Variants in UGT2A3 observed in about 807,000 individuals in gnomAD.
UGT2A3 encodes UDP-glucuronosyltransferase 2A3.
A neutral mutation model predicts 44.1 loss-of-function variants in UGT2A3; 55 were observed. The observed-to-expected ratio is 1.25, with a 90% CI of 1.00 to 1.56. The LOEUF (loss-of-function observed/expected upper bound fraction) is 1.56. UGT2A3 is among the 40% of genes most tolerant of loss of function. The pLI is 0.00. For synonymous variants in UGT2A3, 243 were observed against 215.1 expected (o/e 1.13, Z -1.13); for missense variants, 733 against 621.6 (o/e 1.18, Z -1.91).
At position 68,929,735 on chromosome 4, in the gene UGT2A3, A is replaced by C; in HGVS notation, c.*78T>G. The C allele has an allele frequency of 1.6e-6, 2 of 1,280,410 alleles. No homozygotes were observed. Among genetic ancestry groups the C allele is most frequent in the African/African-American group, 1.5e-5 (1 of 67,322 alleles). The allele number at this position is 1,280,410 out of a possible 1,614,324, so 79.3% of individuals were successfully genotyped here. On this transcript the variant is annotated 3_prime_UTR_variant, in exon 6 of 6. Coordinates refer to ENST00000251566, the MANE Select transcript of UGT2A3 (RefSeq NM_024743.4). ...ATAACAGAATAGATAATATGAAAAT[A>C]GCAAGGTTTTCACCAAATTCTATGT...
chr4:68,940,672 G>T (rs1052509724), intron 2 of UGT2A3, among the ~76,000 whole-genome samples: 1 of 150,080 alleles, frequency 6.7e-6, no homozygotes, highest in Admixed American at 6.7e-5. Context: ...TCCTGCACAT[G>T]TACCCTTGAA....
chr4:68,930,663 T>C lies in UGT2A3; in HGVS notation c.1187A>G (p.Asp396Gly), dbSNP rs1452265868. ...VPMVGVPIFG[D>G]QLDNIAHMKA... The stretch of plus-strand genomic sequence containing the variant: ...CATGTGAGCTATGTTATCAAGCTGA[T>C]CACCAAATATGGGAACTCCCACCAT... The change falls in exon 5 of 6, where the codon GAT (aspartate) becomes GGT (glycine). Residue 396 changes from aspartate to glycine, a missense_variant. By Grantham distance (94) the Asp-to-Gly change is moderately conservative. Transcript: ENST00000251566. The C allele has an allele frequency of 7.4e-6, 12 of 1,613,624 alleles. No homozygotes were observed. Among genetic ancestry groups the C allele is most frequent in the Admixed American group, 1.7e-5 (1 of 59,980 alleles).
At chr4:68,938,128 CA>C (rs1020413032) in intron 2 of UGT2A3, among the ~76,000 whole-genome samples, 2 of 151,982 alleles carry the variant, frequency 1.3e-5, no homozygotes, top group Non-Finnish European at 2.9e-5. Flanking sequence ...ATCAGAGGTA[CA>C]AATAGGAGCT....
At chr4:68,931,423 A>G (rs1036909156) in intron 3 of UGT2A3, among the ~76,000 whole-genome samples, 181 bp from the exon 4 acceptor site, 1 of 152,070 alleles carries the variant, frequency 6.6e-6, no homozygotes, top group Admixed American at 6.6e-5. Flanking sequence ...GATCTTTTAA[A>G]ATAATGTGTA....
Position 68,936,120 on chromosome 4 carries a change from C to A in UGT2A3, c.865-3361G>T, listed in dbSNP as rs181471572. Reference sequence around the variant, plus strand: ...CCTGAATGTGATGGAGAGAATGGAACCAAGTTAGAAAACACTCTTCAGTAT... The same window carrying A: ...CCTGAATGTGATGGAGAGAATGGAAACAAGTTAGAAAACACTCTTCAGTAT... On this transcript the variant is annotated intron_variant, in intron 2 of 5. Transcript: ENST00000251566. 9.2e-5 allele frequency among the ~76,000 whole-genome samples: 14 copies of A among 152,140 alleles called. No individual in the cohort carries two copies. In the East Asian group the frequency reaches 2.7e-3, roughly 29 times the overall value.
At chr4:68,936,893 A>AAG (rs1717974717) in intron 2 of UGT2A3, among the ~76,000 whole-genome samples, 1 of 146,344 alleles carries the variant, frequency 6.8e-6, no homozygotes, top group Admixed American at 6.8e-5. Flanking sequence ...GAAAGCAAAA[A>AAG]AAAAAAAAAA....
At position 68,951,755 on chromosome 4, in the gene UGT2A3, C is replaced by A. The variant is rs1332617230; in HGVS notation, c.6G>T (p.Arg2Ser). M[R>S]SDKSALVFLL... is the part of the protein sequence containing the mutation. ...GAAATACCAAAGCTGACTTGTCAGACCTCATGATGGCAGTTCCCTCACACA... is the reference window on the plus strand; with the variant it reads ...GAAATACCAAAGCTGACTTGTCAGAACTCATGATGGCAGTTCCCTCACACA... The change falls in exon 1 of 6, where the codon AGG (arginine) becomes AGT (serine). Residue 2 changes from arginine (R) to serine (S), a missense_variant. Coordinates refer to ENST00000251566, the MANE Select transcript of UGT2A3 (RefSeq NM_024743.4). The A allele has an allele frequency of 1.3e-6, 2 of 1,581,906 alleles. No homozygotes were observed. The highest frequency in any genetic ancestry group is 1.7e-6 in the Non-Finnish European group (2 of 1,164,646).
In UGT2A3 at chr4:68,929,948, C is replaced by A. The variant is rs1292041980; in HGVS notation, c.1449G>T (p.Trp483Cys). 6.2e-7 allele frequency: 1 copy of A among 1,613,488 alleles called. No individual in the cohort carries two copies. Among genetic ancestry groups the A allele is most frequent in the African/African-American group, 1.3e-5 (1 of 74,880 alleles). ...HLRSAAHDLT[W>C]FQHYSIDVIG... ...TCACATCTATAGAGTAGTGCTGGAA[C>A]CAGGTGAGGTCATGGGCAGCTGATC... The change falls in exon 6 of 6, where the codon TGG (tryptophan) becomes TGT (cysteine). Residue 483 changes from tryptophan (W) to cysteine (C), a missense_variant. By Grantham distance (215) the Trp-to-Cys change is radical. Transcript: ENST00000251566.
chr4:68,932,488 A>T, intron 3 of UGT2A3, 140 bp downstream of exon 3: 1 of 730,612 alleles, frequency 1.4e-6, no homozygotes, highest in Non-Finnish European at 2.1e-6. Context: ...ATGATCAGTT[A>T]TGCCCATGTA....
At chr4:68,933,706 T>C (rs895278527) in intron 2 of UGT2A3, among the ~76,000 whole-genome samples, 2 of 152,028 alleles carry the variant, frequency 1.3e-5, no homozygotes, top group South Asian at 2.1e-4. Context: ...GAAACAACTA[T>C]CAGGTTAGTA....
At chr4:68,945,965 C>T (rs1368686195) in intron 1 of UGT2A3, among the ~76,000 whole-genome samples, 2 of 151,492 alleles carry the variant, frequency 1.3e-5, no homozygotes. Context: ...AGGATCAGTT[C>T]CCTTTAACTT....
chr4:68,941,772 T>C (rs538219084), intron 2 of UGT2A3, among the ~76,000 whole-genome samples: 1 of 151,790 alleles, frequency 6.6e-6, no homozygotes, highest in Non-Finnish European at 1.5e-5. Flanking sequence ...TACATAGAAG[T>C]CACATCAGTC....
At position 68,941,156 on chromosome 4, in the gene UGT2A3, A is replaced by C. The variant is rs116813647; in HGVS notation, c.864+4150T>G. On this transcript the variant is annotated intron_variant, in intron 2 of 5. Transcript: ENST00000251566. The stretch of plus-strand genomic sequence containing the variant: ...TCCTCTCTTGTCATGAGACCTTTGC[A>C]TATACCAGCTCATGTTTGCCTTCTA... 3.9e-3 allele frequency among the ~76,000 whole-genome samples: 596 copies of C among 151,828 alleles called. 1 individual carries two copies. The highest frequency in any genetic ancestry group is 6.8e-3 in the Middle Eastern group (2 of 294).
chr4:68,939,791 C>T (rs1718115731), intron 2 of UGT2A3, among the ~76,000 whole-genome samples: 1 of 152,130 alleles, frequency 6.6e-6, no homozygotes, highest in Non-Finnish European at 1.5e-5. Flanking sequence ...TTTTTGCAAT[C>T]TACCCATCTG....
At chr4:68,931,994 A>T (rs971601922) in intron 3 of UGT2A3, among the ~76,000 whole-genome samples, 2 of 152,006 alleles carry the variant, frequency 1.3e-5, no homozygotes, top group African/African-American at 2.4e-5. Context: ...TTAGCTAAAT[A>T]TAAAATGAAA....
Position 68,951,432 on chromosome 4 carries a change from A to G in UGT2A3, c.329T>C (p.Leu110Ser), listed in dbSNP as rs1435470696. 6.2e-7 allele frequency: 1 copy of G among 1,611,648 alleles called. No homozygotes were observed. Among genetic ancestry groups the G allele is most frequent in the African/African-American group, 1.3e-5 (1 of 74,782 alleles). Residue 110 changes from leucine (L) to serine (S), a missense_variant, in exon 1 of 6, where the codon TTA (leucine) becomes TCA (serine). Transcript: ENST00000251566. The part of the protein sequence containing the change: ...GLSTWQSVIK[L>S]NDFFVEIRGT... ...TCTTATTTCAACAAAAAAATCATTT[A>G]ATTTTATAACTGATTGCCAGGTTGA... is the stretch of plus-strand genomic sequence containing the variant.
intron 2 of UGT2A3, among the ~76,000 whole-genome samples, chr4:68,936,066 A>T (rs1227993039): frequency 6.6e-6 from 1 of 152,148 alleles, no homozygotes; most frequent in East Asian, 1.9e-4. Flanking sequence ...GACTATGTGA[A>T]AAGACCAAAT....
chr4:68,940,791 TAC>T (rs1413630665), intron 2 of UGT2A3, among the ~76,000 whole-genome samples: 2 of 141,034 alleles, frequency 1.4e-5, no homozygotes, highest in Non-Finnish European at 3.1e-5. Flanking sequence ...AATATATATA[TAC>T]ACACACACAT....
intron 1 of UGT2A3, among the ~76,000 whole-genome samples, chr4:68,948,353 C>T (rs774265371): frequency 2.1e-4 from 32 of 151,424 alleles, no homozygotes; most frequent in Admixed American, 7.2e-4. Context: ...GAATAGTTAA[C>T]GCTTTACTAT....
Sources: allele counts gnomAD v4.1 joint callset (sites outside exome capture counted in the v4.1 genomes callset), GRCh38; gene constraint gnomAD v4.1.1; transcripts MANE v1.5; gene names NCBI Gene and HGNC (gene_info 2026-07-23, HGNC 2026-07-21).